ANKRD36C: variants seen among roughly 807,000 people sequenced by gnomAD.
ANKRD36C encodes the protein ankyrin repeat domain 36C, also known as ankyrin repeat domain-containing protein 36C.
A neutral mutation model predicts 276.4 loss-of-function variants in ANKRD36C; 61 were observed. The ratio of observed to expected loss-of-function variants is 0.22; its 90% CI spans 0.18 to 0.27. ANKRD36C has a LOEUF of 0.27. Among genes scored for constraint, ANKRD36C ranks in the 10% least tolerant of loss-of-function variants. The probability of loss-of-function intolerance (pLI) is 1.00; values close to 1 mark genes in which losing one functional copy is unlikely to be tolerated. For synonymous variants in ANKRD36C, 483 were observed against 680.1 expected (o/e 0.71, Z 4.51); for missense variants, 1,447 against 2,032.3 (o/e 0.71, Z 5.54).
At chr2:95,870,671 C>T (rs1291981356) in intron 59 of ANKRD36C, among the ~76,000 whole-genome samples, 5 of 152,174 alleles carry the variant, frequency 3.3e-5, no homozygotes, top group African/African-American at 1.2e-4. Flanking sequence ...CGGAGAATGA[C>T]TTTGACGAGT....
chr2:95,928,459 T>A (rs1448389023), intron 26 of ANKRD36C, among the ~76,000 whole-genome samples: 1 of 151,608 alleles, frequency 6.6e-6, no homozygotes, highest in Non-Finnish European at 1.5e-5. Flanking sequence ...CACTCTTTCC[T>A]GCTTCCAGTA....
In ANKRD36C at chr2:95,853,709, T is replaced by C. The variant is rs1460291118; in HGVS notation, c.5148A>G (p.Gln1716=). 3.8e-6 allele frequency: 6 copies of C among 1,577,438 alleles called. No individual in the cohort carries two copies. In the African/African-American group the frequency reaches 6.7e-5, roughly 18 times the overall value. ...TTGGTGTGCAAAGTTGCATACATACTTGACTTCTCATCTGGTCTAATTTCT... is the reference window on the plus strand; with the variant it reads ...TTGGTGTGCAAAGTTGCATACATACCTGACTTCTCATCTGGTCTAATTTCT... Residue 1716 remains glutamine (Q), a splice_region_variant and synonymous_variant, in exon 64 of 67, where the codon CAA becomes CAG. Transcript: ENST00000456556.
intron 38 of ANKRD36C, 144 bp downstream of exon 40, chr2:95,915,836 A>T: frequency 8.3e-7 from 1 of 1,204,698 alleles, no homozygotes; most frequent in East Asian, 2.6e-5. Flanking sequence ...GCAACAGCGT[A>T]ACCCAAGAAC....
intron 13 of ANKRD36C, among the ~76,000 whole-genome samples, chr2:95,955,325 T>C (rs1187346833): frequency 6.6e-6 from 1 of 152,118 alleles, no homozygotes; most frequent in Admixed American, 6.5e-5. Context: ...AATAAAACCT[T>C]GAAGTTTGTC....
intron 59 of ANKRD36C, among the ~76,000 whole-genome samples, chr2:95,875,123 G>A (rs182144928): frequency 0.049 from 7,447 of 152,232 alleles, 262 homozygotes; most frequent in Non-Finnish European, 0.073. Flanking sequence ...TCAGTGTGGC[G>A]ATTCCTCAGG....
At chr2:95,858,258 A>C (rs1048083252) in intron 61 of ANKRD36C, among the ~76,000 whole-genome samples, 26 of 152,172 alleles carry the variant, frequency 1.7e-4, no homozygotes, top group African/African-American at 5.1e-4. Flanking sequence ...AATATCTTAC[A>C]GAGTTTGACT....
At position 95,889,624 on chromosome 2, in the gene ANKRD36C, T is replaced by G. The variant is rs147225281; in HGVS notation, c.2959+175A>C. Among the ~76,000 whole-genome samples the G allele has an allele frequency of 3.1e-3, 464 of 151,662 alleles. 2 individuals are homozygous for G. The highest frequency in any genetic ancestry group is 0.011 in the African/African-American group (445 of 41,492). ...GACATCTAAAATCTTAGTACTTTCA[T>G]CATGGCCAAGGACCACAGCATCAGG... On this transcript the variant is annotated intron_variant, in intron 48 of 66. Transcript: ENST00000456556.
At chr2:95,873,862 T>G (rs866164039) in intron 59 of ANKRD36C, among the ~76,000 whole-genome samples, 1 of 152,146 alleles carries the variant, frequency 6.6e-6, no homozygotes, top group African/African-American at 2.4e-5. Flanking sequence ...ACAAAAATCA[T>G]AAGCATTCTT....
At chr2:95,977,334 G>A (rs925226971) in intron 6 of ANKRD36C, among the ~76,000 whole-genome samples, 8 of 152,062 alleles carry the variant, frequency 5.3e-5, no homozygotes, top group African/African-American at 1.7e-4. Flanking sequence ...AAATAAATAT[G>A]TTTATATTTC....
chr2:95,925,341 T>C lies in ANKRD36C; in HGVS notation c.2041+11A>G. The C allele has an allele frequency of 6.4e-7, 1 of 1,573,268 alleles. No individual in the cohort carries two copies. Among genetic ancestry groups the C allele is most frequent in the South Asian group, 1.2e-5 (1 of 85,772 alleles). On this transcript the variant is annotated intron_variant, in intron 30 of 66. Coordinates refer to ENST00000456556, the Ensembl canonical transcript of ANKRD36C. The stretch of plus-strand genomic sequence containing the variant: ...AGTGCACATGACATTAAATGTGTAT[T>C]GCCAAATTACCTGTTCCAGATTTCC...
At chr2:95,890,905 G>T (rs943364658) in intron 46 of ANKRD36C, among the ~76,000 whole-genome samples, 3 of 151,390 alleles carry the variant, frequency 2.0e-5, no homozygotes, top group African/African-American at 7.3e-5. Context: ...CATCCAAGGG[G>T]TAGCTCCTTG....
At chr2:95,885,511 T>A (rs1193210005) in intron 52 of ANKRD36C, among the ~76,000 whole-genome samples, 2 of 151,174 alleles carry the variant, frequency 1.3e-5, no homozygotes, top group Non-Finnish European at 3.0e-5. Context: ...TGAAGTGAGT[T>A]CACTCAGCTT....
intron 3 of ANKRD36C, chr2:95,986,542 C>T: frequency 1.2e-5 from 7 of 589,858 alleles, no homozygotes; most frequent in East Asian, 9.5e-5. Flanking sequence ...AATTATTTAC[C>T]ATAAGTGCAT....
At chr2:95,875,577 G>A (rs1016459144) in intron 59 of ANKRD36C, among the ~76,000 whole-genome samples, 2 of 151,362 alleles carry the variant, frequency 1.3e-5, no homozygotes, top group African/African-American at 4.9e-5. Context: ...TATACCTAAT[G>A]CTAAATGACG....
At chr2:95,865,627 T>C (rs760867056) in intron 60 of ANKRD36C, among the ~76,000 whole-genome samples, 20 of 152,126 alleles carry the variant, frequency 1.3e-4, no homozygotes, top group Non-Finnish European at 4.4e-5. Context: ...ATATTTACCT[T>C]GTACACAAAG....
rs1165584980 is a variant in ANKRD36C, at chr2:95,988,399, TA to T, written c.198-1194del. Among the ~76,000 whole-genome samples, 945 of 142,602 alleles carry T rather than the reference TA, an allele frequency of 6.6e-3. 6 individuals are homozygous for T. The highest frequency in any genetic ancestry group is 0.011 in the African/African-American group (433 of 39,336). The allele number at this position is 142,602 out of a possible 152,430, so 93.6% of individuals were successfully genotyped here. ...TTCTAACTTCAGAATTGCTTTTGTTTAAAAAAAAAAAAAGGAATAAAAGATC... is the reference window on the plus strand; with the variant it reads ...TTCTAACTTCAGAATTGCTTTTGTTTAAAAAAAAAAAAGGAATAAAAGATC... On this transcript the variant is annotated intron_variant, in intron 1 of 66. Transcript: ENST00000456556.
intron 46 of ANKRD36C, among the ~76,000 whole-genome samples, chr2:95,890,974 CA>C (rs1676336723): frequency 6.6e-6 from 1 of 151,442 alleles, no homozygotes; most frequent in East Asian, 2.0e-4. Context: ...CTACAATCAA[CA>C]AAATACGTAT....
At position 95,880,662 on chromosome 2, in the gene ANKRD36C, A is replaced by G. The variant is rs1212459881; in HGVS notation, c.3368-39T>C. ...GAAATATATAATCAATCATATGTAA[A>G]TATGGTAAGGCCAACCATACATTTG... On this transcript the variant is annotated intron_variant, in intron 56 of 66. Transcript: ENST00000456556. The G allele has an allele frequency of 2.0e-6, 3 of 1,515,210 alleles. No individual in the cohort carries two copies. The South Asian group carries it at 3.6e-5, about 18-fold the overall frequency. 93.9% of individuals were successfully genotyped at this position (1,515,210 alleles called of 1,614,324 possible).
In ANKRD36C at chr2:95,904,416, A is replaced by G. The variant is rs71238425; in HGVS notation, c.2654-5080T>C. Among the ~76,000 whole-genome samples the G allele has an allele frequency of 9.4e-4, 134 of 142,800 alleles. 1 individual carries two copies. The highest frequency in any genetic ancestry group is 1.6e-3 in the Non-Finnish European group (108 of 65,620). The allele number at this position is 142,800 out of a possible 152,430, so 93.7% of individuals were successfully genotyped here. The stretch of plus-strand genomic sequence containing the variant: ...TCTGTTCTTAGCAGTACGATGTGAC[A>G]TCTGTAAAATCGATACTTCCTCTCT... On this transcript the variant is annotated intron_variant, in intron 42 of 66. Coordinates refer to ENST00000456556, the Ensembl canonical transcript of ANKRD36C.
Sources: allele counts gnomAD v4.1 joint callset (sites outside exome capture counted in the v4.1 genomes callset), GRCh38; gene constraint gnomAD v4.1.1; transcripts MANE v1.5; gene names NCBI Gene and HGNC (gene_info 2026-07-23, HGNC 2026-07-21).